DNAH12: variants seen among roughly 807,000 people sequenced by gnomAD.
DNAH12 encodes axonemal beta dynein heavy chain 12.
In DNAH12, 285 loss-of-function variants were observed where a neutral mutation model predicts 371.5. That is an observed-to-expected ratio of 0.77 (90% confidence interval 0.70 to 0.85). DNAH12 has a LOEUF of 0.85. Among genes scored for constraint, DNAH12 ranks in the 40% least tolerant of loss-of-function variants. The probability of loss-of-function intolerance (pLI) is 0.00; values close to 1 mark genes in which losing one functional copy is unlikely to be tolerated. For synonymous variants in DNAH12, 1,200 were observed against 1,213.0 expected, an observed-to-expected ratio of 0.99 and a Z score of 0.22; for missense variants, 3,611 against 3,689.4, an observed-to-expected ratio of 0.98 and a Z score of 0.55.
At position 57,495,912 on chromosome 3, in the gene DNAH12, T is replaced by C. The variant is rs150609966; in HGVS notation, c.1335+5409A>G. 9.9e-3 allele frequency among the ~76,000 whole-genome samples: 1,393 copies of C among 141,408 alleles called. 58 individuals carry two copies. The highest frequency in any genetic ancestry group is 0.036 in the African/African-American group (1,312 of 36,604). The allele number at this position is 141,408 out of a possible 152,430, so 92.8% of individuals were successfully genotyped here. On this transcript the variant is annotated intron_variant, in intron 11 of 73. Transcript: ENST00000495027. ...TTTTTATATATAAATTTTATAAATA[T>C]ATTTCTATATTTATATATATTTTAT...
In DNAH12 at chr3:57,459,623, T is replaced by G. The variant is rs2065997003; in HGVS notation, c.2900A>C (p.Asp967Ala). The part of the protein sequence containing the change: ...QFQTVDRHWR[D>A]IMKFCAKDPK... ...ATCTTTAGCACAAAACTTCATGATA[T>G]CTCTCCAGTGTCTGTCTACTGTCTG... The change falls in exon 20 of 74, where the codon GAT becomes GCT. Residue 967 changes from aspartate (D) to alanine (A), a missense_variant. Transcript: ENST00000495027. 1.3e-6 allele frequency: 2 copies of G among 1,518,554 alleles called. No individual in the cohort carries two copies. The highest frequency in any genetic ancestry group is 2.0e-5 in the Admixed American group (1 of 49,770). 94.1% of individuals were successfully genotyped at this position (1,518,554 alleles called of 1,614,324 possible).
intron 42 of DNAH12, 106 bp downstream of exon 42, chr3:57,404,863 A>G (rs988809034): frequency 4.8e-6 from 5 of 1,042,990 alleles, no homozygotes; most frequent in East Asian, 3.1e-5. Context: ...TAATGGGTAC[A>G]AAGTCATTCA....
At chr3:57,403,082 C>T (rs1418185300) in intron 43 of DNAH12, among the ~76,000 whole-genome samples, 1 of 152,118 alleles carries the variant, frequency 6.6e-6, no homozygotes, top group East Asian at 1.9e-4. Context: ...CCACCTGCTG[C>T]ATTGCATTGC....
At chr3:57,427,060 C>T (rs1377288910) in intron 34 of DNAH12, among the ~76,000 whole-genome samples, 2 of 150,716 alleles carry the variant, frequency 1.3e-5, no homozygotes, top group Non-Finnish European at 2.9e-5. Flanking sequence ...TTTTTCTATG[C>T]CTAGAACATT....
intron 43 of DNAH12, among the ~76,000 whole-genome samples, chr3:57,400,342 G>C (rs1321591791): frequency 6.6e-6 from 1 of 152,062 alleles, no homozygotes; most frequent in Admixed American, 6.6e-5. Context: ...TTGTTTAAGG[G>C]TCAACTGTAT....
rs189298897 is a variant in DNAH12 at position 57,516,102 on chromosome 3, C to T, written c.280-5123G>A. 4.5e-4 allele frequency among the ~76,000 whole-genome samples: 53 copies of T among 116,600 alleles called. No homozygotes were observed. In the East Asian group the frequency reaches 0.012, roughly 26 times the overall value. The allele number at this position is 116,600 out of a possible 152,430, so 76.5% of individuals were successfully genotyped here. A position where few individuals can be genotyped will look rare whatever the true frequency, so the allele number is the denominator to read the frequency against. ...TTCTTCAGATGGAGTCTCCCTCCGT[C>T]GCCCAGGCTGGAGTGCAATGGCATG... On this transcript the variant is annotated intron_variant, in intron 4 of 73. Transcript: ENST00000495027.
chr3:57,507,896 C>A, intron 7 of DNAH12, 58 bp from the exon 8 acceptor site: 1 of 1,458,048 alleles, frequency 6.9e-7, no homozygotes, highest in South Asian at 1.4e-5. Flanking sequence ...GGTCTTAAAA[C>A]ACAATTGTTG....
intron 11 of DNAH12, among the ~76,000 whole-genome samples, chr3:57,490,831 G>C (rs1349585124): frequency 6.6e-6 from 1 of 152,128 alleles, no homozygotes; most frequent in Non-Finnish European, 1.5e-5. Flanking sequence ...GCTCACGCCT[G>C]TAATCCCAGC....
rs1454658712 is a variant in DNAH12 at position 57,382,366 on chromosome 3, T to C, written c.7888A>G (p.Met2630Val). 3 of 152,188 alleles carry C rather than the reference T, an allele frequency of 2.0e-5. No individual in the cohort carries two copies. Among genetic ancestry groups the C allele is most frequent in the African/African-American group, 4.8e-5 (2 of 41,444 alleles). The allele number at this position is 152,188 out of a possible 1,614,324, so 9.4% of individuals were successfully genotyped here. ...KPADITIVKS[M>V]KNPPSGVKLV... The stretch of plus-strand genomic sequence containing the variant: ...TTAACACCAGATGGAGGATTCTTCA[T>C]TGATTTCACAATCGTAATGTCGGCT... The change falls in exon 50 of 74, where the codon ATG becomes GTG. Residue 2630 changes from methionine (M) to valine (V), a missense_variant. Physicochemically the swap from Met to Val is conservative, Grantham distance 21 (BLOSUM62 1). This residue lies in a region of DNAH12 where 2,266 missense variants were observed against 2,236.9 expected (regional missense o/e 1.01). Transcript: ENST00000495027.
At chr3:57,524,287 C>T (rs1306182619) in intron 2 of DNAH12, among the ~76,000 whole-genome samples, 1 of 152,174 alleles carries the variant, frequency 6.6e-6, no homozygotes, top group African/African-American at 2.4e-5. Context: ...TGCTTCAAAG[C>T]ACTTACCATC....
intron 2 of DNAH12, among the ~76,000 whole-genome samples, chr3:57,540,141 C>T (rs1302788433): frequency 6.6e-6 from 1 of 152,032 alleles, no homozygotes. Flanking sequence ...ACCTCCACCT[C>T]CCCGGTTCAA....
At position 57,445,424 on chromosome 3, in the gene DNAH12, A is replaced by G; in HGVS notation, c.4180-5T>C. On this transcript the variant is annotated splice_region_variant and splice_polypyrimidine_tract_variant and intron_variant, in intron 27 of 73. Coordinates refer to ENST00000495027, the MANE Select transcript of DNAH12 (RefSeq NM_001366028.2). Reference sequence around the variant, plus strand: ...AGCCACTGTTCTAAAAAGAACCTGAAGTATAAAATAAATGAAATATATTAC... The same window carrying G: ...AGCCACTGTTCTAAAAAGAACCTGAGGTATAAAATAAATGAAATATATTAC... 1 of 1,507,434 alleles carries G rather than the reference A, an allele frequency of 6.6e-7. No homozygotes were observed. The highest frequency in any genetic ancestry group is 8.9e-7 in the Non-Finnish European group (1 of 1,129,642). The allele number at this position is 1,507,434 out of a possible 1,614,324, so 93.4% of individuals were successfully genotyped here. A position where few individuals can be genotyped will look rare whatever the true frequency, so the allele number is the denominator to read the frequency against.
chr3:57,312,413 T>G (rs1474416018), intron 66 of DNAH12, among the ~76,000 whole-genome samples: 1 of 152,210 alleles, frequency 6.6e-6, no homozygotes, highest in Non-Finnish European at 1.5e-5. Context: ...TTGTGGCATA[T>G]GCAAGAAGTG....
intron 73 of DNAH12, among the ~76,000 whole-genome samples, chr3:57,294,307 G>C (rs2061186979): frequency 6.6e-6 from 1 of 151,760 alleles, no homozygotes; most frequent in South Asian, 2.1e-4. Context: ...CTCCTGAGTA[G>C]GTGGGACTAC....
intron 12 of DNAH12, among the ~76,000 whole-genome samples, chr3:57,485,086 ATG>A (rs2066878958): frequency 6.6e-6 from 1 of 152,214 alleles, no homozygotes; most frequent in Non-Finnish European, 1.5e-5. Flanking sequence ...GCTTGTGAGA[ATG>A]TAAATTAGTA....
At chr3:57,467,762 G>A (rs1169243726) in intron 17 of DNAH12, among the ~76,000 whole-genome samples, 1 of 152,072 alleles carries the variant, frequency 6.6e-6, no homozygotes, top group Non-Finnish European at 1.5e-5. Flanking sequence ...CTTTGCCCCA[G>A]TTTTGCCAGA....
At chr3:57,342,714 GAATT>G (rs2062436074) in intron 60 of DNAH12, among the ~76,000 whole-genome samples, 1 of 133,576 alleles carries the variant, frequency 7.5e-6, no homozygotes, top group African/African-American at 2.8e-5. Context: ...ATCCACCAAA[GAATT>G]AATATCCAGA....
intron 34 of DNAH12, among the ~76,000 whole-genome samples, chr3:57,427,741 A>G (rs1352681017): frequency 6.6e-6 from 1 of 152,052 alleles, no homozygotes; most frequent in Non-Finnish European, 1.5e-5. Context: ...TGAAGATGGA[A>G]GAAGTTGGAG....
chr3:57,393,060 C>G (rs2063658781), intron 44 of DNAH12, among the ~76,000 whole-genome samples: 1 of 152,138 alleles, frequency 6.6e-6, no homozygotes, highest in Non-Finnish European at 1.5e-5. Context: ...GGTAATGCAC[C>G]ATTTACTGAG....
Sources: allele counts gnomAD v4.1 joint callset (sites outside exome capture counted in the v4.1 genomes callset), GRCh38; gene constraint gnomAD v4.1.1; regional missense constraint gnomAD v4.1.1; transcripts MANE v1.5; gene names NCBI Gene and HGNC (gene_info 2026-07-23, HGNC 2026-07-21).